BLM: variants seen among roughly 807,000 people sequenced by gnomAD.
BLM encodes the protein BLM RecQ like helicase.
BLM carries 95 observed loss-of-function variants against 135.3 expected under a neutral mutation model. That is an observed-to-expected ratio of 0.70 (90% CI 0.59 to 0.83). The LOEUF is 0.83. BLM is among the 40% of genes least tolerant of loss of function. The probability of loss-of-function intolerance (pLI) is 0.00; values close to 1 mark genes in which losing one functional copy is unlikely to be tolerated. For synonymous variants in BLM, 520 were observed against 589.2 expected (o/e 0.88, Z 1.70); for missense variants, 1,518 against 1,663.9 (o/e 0.91, Z 1.53).
chr15:90,746,845 C>G (rs993337763), intron 1 of BLM, among the ~76,000 whole-genome samples: 1 of 152,150 alleles, frequency 6.6e-6, no homozygotes, highest in Non-Finnish European at 1.5e-5. Context: ...GCTTGGTAAA[C>G]GTATTCTTTC....
In BLM at chr15:90,808,233, CCTT is replaced by C. The variant is rs537607279; in HGVS notation, c.3752-901_3752-899del. Reference sequence around the variant, plus strand: ...TCTTTCATTAAACCCCCTTCATAAACCTTCTGTTCTGTCCACAGTCTCTTGCTT... The same window carrying C: ...TCTTTCATTAAACCCCCTTCATAAACCTGTTCTGTCCACAGTCTCTTGCTT... On this transcript the variant is annotated intron_variant, in intron 19 of 21. Transcript: ENST00000355112. Among the ~76,000 whole-genome samples the C allele has an allele frequency of 1.2e-3, 189 of 152,336 alleles. 1 individual carries two copies. The highest frequency in any genetic ancestry group is 4.4e-3 in the African/African-American group (182 of 41,578).
At chr15:90,785,144 C>T (rs1896714960) in intron 14 of BLM, 63 bp downstream of exon 14, 3 of 1,517,014 alleles carry the variant, frequency 2.0e-6, no homozygotes. Context: ...ACCAAACATG[C>T]ACATGTAGAA....
At chr15:90,761,545 C>T (rs1596230963) in intron 7 of BLM, among the ~76,000 whole-genome samples, 1 of 152,240 alleles carries the variant, frequency 6.6e-6, no homozygotes, top group East Asian at 1.9e-4. Flanking sequence ...CTAAAACAAA[C>T]TCATGAGGGC....
intron 19 of BLM, among the ~76,000 whole-genome samples, chr15:90,806,653 G>T (rs1020566461): frequency 3.3e-5 from 5 of 152,168 alleles, no homozygotes; most frequent in Non-Finnish European, 7.3e-5. Context: ...ATTTCCATGG[G>T]CAGATAGCCC....
At chr15:90,798,434 C>T in intron 17 of BLM, 97 bp downstream of exon 17, 4 of 1,297,148 alleles carry the variant, frequency 3.1e-6, no homozygotes, top group Non-Finnish European at 4.3e-6. Context: ...TGTCTATTTT[C>T]TTATAAAACT....
At chr15:90,801,356 T>C (rs1353362082) in intron 17 of BLM, among the ~76,000 whole-genome samples, 1 of 152,122 alleles carries the variant, frequency 6.6e-6, no homozygotes, top group Non-Finnish European at 1.5e-5. Context: ...AAGATGTAAA[T>C]GTTAATATTG....
intron 20 of BLM, among the ~76,000 whole-genome samples, chr15:90,809,682 G>A (rs1459049671): frequency 6.6e-6 from 1 of 152,202 alleles, no homozygotes; most frequent in Non-Finnish European, 1.5e-5. Flanking sequence ...TTTAAGACTA[G>A]TGTTTAAATG....
In BLM at chr15:90,758,287, G is replaced by A. The variant is rs879695226; in HGVS notation, c.1088-1860G>A. Among the ~76,000 whole-genome samples, 4 of 152,200 alleles carry A rather than the reference G, an allele frequency of 2.6e-5. No individual in the cohort carries two copies. The South Asian group carries it at 6.2e-4, about 24-fold the overall frequency. ...TGGATCATTTGAGGTTTAGGAGTTC[G>A]AGTCCAGCCTGCCCAATGTGGCAAA... is the stretch of plus-strand genomic sequence containing the variant. On this transcript the variant is annotated intron_variant, in intron 5 of 21. Transcript: ENST00000355112.
At chr15:90,740,545 G>T (rs1203472349) in intron 1 of BLM, among the ~76,000 whole-genome samples, 2 of 152,160 alleles carry the variant, frequency 1.3e-5, no homozygotes, top group Non-Finnish European at 2.9e-5. Context: ...TGAACAATTT[G>T]TGTACAAGTA....
At chr15:90,746,699 A>C (rs1895510071) in intron 1 of BLM, among the ~76,000 whole-genome samples, 1 of 152,210 alleles carries the variant, frequency 6.6e-6, no homozygotes, top group South Asian at 2.1e-4. Flanking sequence ...AGCTAAAGTG[A>C]GGATTTTTTT....
At chr15:90,728,814 G>C (rs1409974473) in intron 1 of BLM, among the ~76,000 whole-genome samples, 1 of 152,120 alleles carries the variant, frequency 6.6e-6, no homozygotes, top group Non-Finnish European at 1.5e-5. Flanking sequence ...CTTGTCTCCA[G>C]CAGTCTTCCT....
In BLM at chr15:90,803,521, G is replaced by A. The variant is rs753072653; in HGVS notation, c.3359G>A (p.Gly1120Glu). Residue 1120 changes from glycine to glutamate, a missense_variant and splice_region_variant, in exon 18 of 22, where the codon GGG becomes GAG. Physicochemically the swap from Gly to Glu is moderately conservative, Grantham distance 98 (BLOSUM62 -2). This residue lies in a region of BLM where 626 missense variants were observed against 681.1 expected (regional missense o/e 0.92). Transcript: ENST00000355112. ...TMNMLVDIFL[G>E]SKSAKIQSGI... Reference sequence around the variant, plus strand: ...CTTACTTCCTGTATCTTCTTATCAGGGAGTAAGAGTGCAAAAATCCAGTCA... The same window carrying A: ...CTTACTTCCTGTATCTTCTTATCAGAGAGTAAGAGTGCAAAAATCCAGTCA... 1 of 1,611,688 alleles carries A rather than the reference G, an allele frequency of 6.2e-7. No individual in the cohort carries two copies. The highest frequency in any genetic ancestry group is 1.7e-5 in the Admixed American group (1 of 60,000).
rs757626398 is a variant in BLM at position 90,760,132 on chromosome 15, A to G, written c.1088-15A>G. On this transcript the variant is annotated splice_polypyrimidine_tract_variant and intron_variant, in intron 5 of 21. Transcript: ENST00000355112. The stretch of plus-strand genomic sequence containing the variant: ...TCCCTCAAAGAAAAATATTAACAAC[A>G]TAATTATTTTATAGCTAGACAGATA... 43 of 1,606,786 alleles carry G rather than the reference A, an allele frequency of 2.7e-5. No individual in the cohort carries two copies. Among genetic ancestry groups the G allele is most frequent in the Non-Finnish European group, 3.2e-5 (38 of 1,174,100 alleles).
At position 90,779,195 on chromosome 15, in the gene BLM, G is replaced by A. The variant is rs544057319; in HGVS notation, c.2556-3627G>A. 5.3e-5 allele frequency among the ~76,000 whole-genome samples: 8 copies of A among 152,090 alleles called. No homozygotes were observed. In the East Asian group the frequency reaches 7.7e-4, roughly 15 times the overall value. On this transcript the variant is annotated intron_variant, in intron 12 of 21. Transcript: ENST00000355112. ...CCACCGTGCCCAGCCTATGTTTAAC[G>A]TTTTAAAGAACTGTCGCACTGTTTT...
chr15:90,747,332 A>G (rs1895529805), intron 1 of BLM, 57 bp from the exon 2 acceptor site: 2 of 1,370,802 alleles, frequency 1.5e-6, no homozygotes, highest in Non-Finnish European at 2.1e-6. Context: ...CTCAAAAAAC[A>G]TTGTGATTAA....
chr15:90,788,471 G>GTTTTTTTTT (rs35158343), intron 14 of BLM, among the ~76,000 whole-genome samples: 44 of 95,004 alleles, frequency 4.6e-4, no homozygotes, highest in African/African-American at 5.6e-4. Context: ...CCAGTGTTTT[G>GTTTTTTTTT]TTTTTTTTTT....
At chr15:90,803,446 C>G in intron 17 of BLM, 75 bp from the exon 18 acceptor site, 1 of 1,409,164 alleles carries the variant, frequency 7.1e-7, no homozygotes, top group Non-Finnish European at 1.0e-6. Context: ...CCATAAATGA[C>G]TTTTTAGCCT....
chr15:90,738,516 G>A (rs958145617), intron 1 of BLM, among the ~76,000 whole-genome samples: 6 of 152,008 alleles, frequency 3.9e-5, no homozygotes, highest in East Asian at 3.9e-4. Context: ...CGAGGCAGCC[G>A]TGAGCTGTTG....
rs540772424 is a variant in BLM at position 90,760,870 on chromosome 15, C to T, written c.1497C>T (p.Ser499=). 6.2e-6 allele frequency: 10 copies of T among 1,613,826 alleles called. No homozygotes were observed. Among genetic ancestry groups the T allele is most frequent in the Non-Finnish European group, 8.5e-6 (10 of 1,180,018 alleles). Residue 499 remains serine (S), a synonymous_variant, in exon 7 of 22, where the codon TCC becomes TCT. Coordinates refer to ENST00000355112, the MANE Select transcript of BLM (RefSeq NM_000057.4). ...TATTCAATACCCATTTACAGAAGTC[C>T]TTTGTAAGTAGCAACTGGGCTGAAA... ...RPLFNTHLQK[S]FVSSNWAETP... is the part of the protein sequence containing the mutation.
Sources: allele counts gnomAD v4.1 joint callset (sites outside exome capture counted in the v4.1 genomes callset), GRCh38; gene constraint gnomAD v4.1.1; regional missense constraint gnomAD v4.1.1; transcripts MANE v1.5; gene names NCBI Gene and HGNC (gene_info 2026-07-23, HGNC 2026-07-21).